The following SNRPB variants were observed in gnomAD, a reference collection of about 807,000 sequenced individuals.
SNRPB encodes the protein small nuclear ribonucleoprotein-associated proteins B and B'.
Under a neutral mutation model 26.6 loss-of-function variants are expected in SNRPB, and 5 were observed. That is an observed-to-expected ratio of 0.19 (90% CI 0.10 to 0.39). The LOEUF (loss-of-function observed/expected upper bound fraction) is 0.39, where lower values mean the gene tolerates loss of function less well. Ranked by LOEUF, SNRPB falls within the 10% of genes least tolerant of loss-of-function variation. The probability of loss-of-function intolerance (pLI) is 1.00; values close to 1 mark genes in which losing one functional copy is unlikely to be tolerated. For missense variants in SNRPB, 211 were observed against 311.9 expected, an observed-to-expected ratio of 0.68 and a Z score of 2.44; for synonymous variants, 122 against 105.8, an observed-to-expected ratio of 1.15 and a Z score of -0.94.
chr20:2,468,067 A>G (rs1378638430), intron 1 of SNRPB, among the ~76,000 whole-genome samples: 1 of 152,174 alleles, frequency 6.6e-6, no homozygotes, highest in African/African-American at 2.4e-5. Context: ...AAATAATCCA[A>G]TGCATACATA....
intron 2 of SNRPB, chr20:2,467,071 G>A (rs1417869415): frequency 1.3e-5 from 4 of 298,274 alleles, no homozygotes; most frequent in Non-Finnish European, 2.7e-5. Context: ...TGAGACTCAA[G>A]GCAAGGGAGT....
Position 2,463,848 on chromosome 20 carries a change from C to CGATCCCTGG in SNRPB, c.310_318dup (p.Pro104_Ile106dup). On this transcript the variant is annotated inframe_insertion, in exon 4 of 7. Transcript: ENST00000381342. The surrounding 1 kb of genome is among the most constrained non-coding windows in gnomAD (Gnocchi z 5.0). ...GGGATTCCTCTGCCAGCAGCCCTGC[C>CGATCCCTGG]GATCCCTGGGCCCCCGGCAGCTCCA... is the stretch of plus-strand genomic sequence containing the variant. 1 of 1,613,230 alleles carries CGATCCCTGG rather than the reference C, an allele frequency of 6.2e-7. No individual in the cohort carries two copies. The highest frequency in any genetic ancestry group is 1.1e-5 in the South Asian group (1 of 91,028).
chr20:2,467,238 C>T (rs775676849), intron 2 of SNRPB: 4 of 467,038 alleles, frequency 8.6e-6, no homozygotes, highest in Non-Finnish European at 4.3e-6. Context: ...GACCAGGCTG[C>T]ATTGGGAGAG....
intron 1 of SNRPB, 130 bp downstream of exon 1, chr20:2,470,558 C>G (rs1463457276): frequency 9.0e-7 from 1 of 1,116,714 alleles, no homozygotes; most frequent in Admixed American, 2.1e-5. Context: ...CCGCCCAGAC[C>G]GAGCGGCCTC....
intron 6 of SNRPB, 92 bp downstream of exon 6, chr20:2,462,544 C>CTTCCCTAG: frequency 9.0e-7 from 1 of 1,110,816 alleles, no homozygotes; most frequent in Non-Finnish European, 1.4e-6. Context: ...CTTGAAAGCC[C>CTTCCCTAG]ATGGGATATG....
At chr20:2,470,626 C>G in intron 1 of SNRPB, 62 bp downstream of exon 1, 1 of 1,607,828 alleles carries the variant, frequency 6.2e-7, no homozygotes, top group Admixed American at 1.7e-5. Flanking sequence ...CCCGATCAGT[C>G]GCGGTTCCCA....
rs1294889082 is a variant in SNRPB at position 2,469,934 on chromosome 20, TC to T, written c.3+753del. Among the ~76,000 whole-genome samples the T allele has an allele frequency of 3.3e-5, 5 of 152,174 alleles. No individual in the cohort carries two copies. The East Asian group carries it at 9.7e-4, about 29-fold the overall frequency. ...CTTCAGTTCTCCGGGTCTGTAATAT[TC>T]CCCCCATTTTCGCCGGGAACATTCT... On this transcript the variant is annotated intron_variant, in intron 1 of 6. Coordinates refer to ENST00000381342, the MANE Select transcript of SNRPB (RefSeq NM_003091.4).
At chr20:2,464,881 A>AG (rs1268564075) in intron 3 of SNRPB, among the ~76,000 whole-genome samples, 1 of 61,128 alleles carries the variant, frequency 1.6e-5, no homozygotes, top group Non-Finnish European at 4.7e-5. Context: ...AATCTAAAAA[A>AG]AAAAAAAAAA....
chr20:2,461,877 G>A lies in SNRPB; in HGVS notation c.*52C>T. On this transcript the variant is annotated 3_prime_UTR_variant, in exon 7 of 7. Transcript: ENST00000381342. Reference sequence around the variant, plus strand: ...CAGGTCTGTGGTAACGTGGCCCTGAGGAATCGAGCCCACGCCTCTGCGGAG... The same window carrying A: ...CAGGTCTGTGGTAACGTGGCCCTGAAGAATCGAGCCCACGCCTCTGCGGAG... 1 of 1,613,936 alleles carries A rather than the reference G, an allele frequency of 6.2e-7. No individual in the cohort carries two copies. The highest frequency in any genetic ancestry group is 2.2e-5 in the East Asian group (1 of 44,878).
Position 2,463,693 on chromosome 20 carries a change from C to A in SNRPB, c.420+54G>T. On this transcript the variant is annotated intron_variant, in intron 4 of 6. Coordinates refer to ENST00000381342, the MANE Select transcript of SNRPB (RefSeq NM_003091.4). The surrounding 1 kb of genome is among the most constrained non-coding windows in gnomAD (Gnocchi z 5.0). ...CCCTTTTAAAACTATGGACCCTCCCCTTTATCCTTTATTTTAGCCACCAGG... is the reference window on the plus strand; with the variant it reads ...CCCTTTTAAAACTATGGACCCTCCCATTTATCCTTTATTTTAGCCACCAGG... 1 of 1,372,432 alleles carries A rather than the reference C, an allele frequency of 7.3e-7. No homozygotes were observed. Among genetic ancestry groups the A allele is most frequent in the South Asian group, 1.4e-5 (1 of 72,670 alleles). 85.0% of individuals were successfully genotyped at this position (1,372,432 alleles called of 1,614,324 possible).
chr20:2,464,354 T>C (rs1457098276), intron 3 of SNRPB, among the ~76,000 whole-genome samples: 1 of 152,240 alleles, frequency 6.6e-6, no homozygotes, highest in Non-Finnish European at 1.5e-5. Context: ...CAAAGGTTTA[T>C]GATGGGTTAT....
intron 1 of SNRPB, 64 bp from the exon 2 acceptor site, chr20:2,467,822 C>G (rs2085084703): frequency 1.4e-6 from 2 of 1,476,092 alleles, no homozygotes. Flanking sequence ...TCTGGCCCTC[C>G]CCAAAACTTC....
intron 1 of SNRPB, among the ~76,000 whole-genome samples, chr20:2,468,905 G>A (rs2085092227): frequency 6.6e-6 from 1 of 152,092 alleles, no homozygotes; most frequent in African/African-American, 2.4e-5. Flanking sequence ...CAGCCTGGGT[G>A]ACAGGGAAAG....
In SNRPB at chr20:2,470,732, C is replaced by T. The variant is rs1232891957; in HGVS notation, c.-42G>A. 1.9e-6 allele frequency: 3 copies of T among 1,610,636 alleles called. No individual in the cohort carries two copies. Among genetic ancestry groups the T allele is most frequent in the Admixed American group, 1.7e-5 (1 of 59,982 alleles). On this transcript the variant is annotated 5_prime_UTR_variant, in exon 1 of 7. Transcript: ENST00000381342. ...GCTCTGATACCCGCCGGATTCGCCT[C>T]CTCAGAGGCCTAGCCTCTCTCCCAC...
Position 2,462,770 on chromosome 20 carries a change from G to A in SNRPB, c.560-9C>T. On this transcript the variant is annotated splice_polypyrimidine_tract_variant and intron_variant, in intron 5 of 6. Coordinates refer to ENST00000381342, the MANE Select transcript of SNRPB (RefSeq NM_003091.4). ...AGGTGGGCCCATCATGCCTGCAAGA[G>A]AAAAGCCCCAAGAATATAGCTCAAG... is the stretch of plus-strand genomic sequence containing the variant. The A allele has an allele frequency of 3.9e-6, 6 of 1,525,914 alleles. No homozygotes were observed. Among genetic ancestry groups the A allele is most frequent in the Non-Finnish European group, 5.3e-6 (6 of 1,139,532 alleles). The allele number at this position is 1,525,914 out of a possible 1,614,324, so 94.5% of individuals were successfully genotyped here. A position where few individuals can be genotyped will look rare whatever the true frequency, so the allele number is the denominator to read the frequency against.
rs1322682016 is a variant in SNRPB, at chr20:2,463,670, C to G, written c.420+77G>C. The G allele has an allele frequency of 1.8e-6, 2 of 1,135,760 alleles. No homozygotes were observed. The highest frequency in any genetic ancestry group is 1.6e-5 in the African/African-American group (1 of 64,186). 70.4% of individuals were successfully genotyped at this position (1,135,760 alleles called of 1,614,324 possible). ...AATCACAGGTTGGTCACTCTGGACC[C>G]TTTTAAAACTATGGACCCTCCCCTT... On this transcript the variant is annotated intron_variant, in intron 4 of 6. Coordinates refer to ENST00000381342, the MANE Select transcript of SNRPB (RefSeq NM_003091.4). This position sits in a 1 kb window ranked among gnomAD's most constrained non-coding sequence, Gnocchi z 5.0.
At chr20:2,464,303 A>T (rs2085056920) in intron 3 of SNRPB, among the ~76,000 whole-genome samples, 1 of 152,230 alleles carries the variant, frequency 6.6e-6, no homozygotes, top group Admixed American at 6.5e-5. Flanking sequence ...GAGTTGCCTT[A>T]TCTGCAAATG....
intron 1 of SNRPB, among the ~76,000 whole-genome samples, 174 bp downstream of exon 1, chr20:2,470,514 A>C (rs995720193): frequency 3.3e-5 from 5 of 152,072 alleles, no homozygotes; most frequent in Non-Finnish European, 7.4e-5. Context: ...CCTCGACCCC[A>C]TGCCTAGCCG....
chr20:2,467,565 T>C (rs1373394520), intron 2 of SNRPB, 42 bp downstream of exon 2: 18 of 1,596,414 alleles, frequency 1.1e-5, no homozygotes, highest in Non-Finnish European at 1.5e-5. Context: ...ACTCAATCCA[T>C]TCCCATCCTC....
Sources: allele counts gnomAD v4.1 joint callset (sites outside exome capture counted in the v4.1 genomes callset), GRCh38; gene constraint gnomAD v4.1.1; non-coding constraint Gnocchi (gnomAD v3.1); transcripts MANE v1.5; gene names NCBI Gene and HGNC (gene_info 2026-07-23, HGNC 2026-07-21).